SLC17A1: variants seen among roughly 807,000 people sequenced by gnomAD.
SLC17A1 encodes solute carrier family 17 member 1.
A neutral mutation model predicts 53.5 loss-of-function variants in SLC17A1; 51 were observed. The observed-to-expected ratio is 0.95, with a 90% CI of 0.76 to 1.20. SLC17A1 has a LOEUF of 1.20. Ranked by LOEUF, SLC17A1 falls within the 50% of genes most tolerant of loss-of-function variation. The pLI is 0.00. For missense variants in SLC17A1, 538 were observed against 568.2 expected, an observed-to-expected ratio of 0.95 and a Z score of 0.54; for synonymous variants, 179 against 198.8, an observed-to-expected ratio of 0.90 and a Z score of 0.84.
the SLC17A1 span, among the ~76,000 whole-genome samples, chr6:25,767,473 G>A: frequency 6.6e-6 from 1 of 152,152 alleles, no homozygotes; most frequent in South Asian, 2.1e-4. Context: ...GGGGGCCACA[G>A]AGAGCTCAGT....
chr6:25,753,902 G>A, the SLC17A1 span, among the ~76,000 whole-genome samples: 30 of 152,246 alleles, frequency 2.0e-4, no homozygotes, highest in Non-Finnish European at 3.8e-4. Context: ...GGAAGTTCAA[G>A]GACAGAGTCT....
chr6:25,787,804 C>A (rs1763416368), intron 12 of SLC17A1, among the ~76,000 whole-genome samples: 1 of 152,174 alleles, frequency 6.6e-6, no homozygotes, highest in Non-Finnish European at 1.5e-5. Flanking sequence ...ATCCCCCTTA[C>A]CCTGACCACT....
At chr6:25,756,581 A>C in the SLC17A1 span, among the ~76,000 whole-genome samples, 3 of 152,180 alleles carry the variant, frequency 2.0e-5, no homozygotes, top group Non-Finnish European at 4.4e-5. Flanking sequence ...CCACAACAGC[A>C]CTGTCCTCCC....
the SLC17A1 span, chr6:25,726,044 C>G: frequency 8.1e-7 from 1 of 1,229,114 alleles, no homozygotes; most frequent in Non-Finnish European, 1.1e-6. Context: ...TTGTAACGTA[C>G]AGCCTTTTTC....
intron 6 of SLC17A1, among the ~76,000 whole-genome samples, chr6:25,815,009 A>T (rs981284110): frequency 2.6e-5 from 4 of 151,074 alleles, no homozygotes; most frequent in African/African-American, 4.9e-5. Flanking sequence ...ACACACACAC[A>T]CACACACACA....
At chr6:25,801,200 A>G (rs541124639) in intron 10 of SLC17A1, among the ~76,000 whole-genome samples, 1 of 152,350 alleles carries the variant, frequency 6.6e-6, no homozygotes, top group Admixed American at 6.5e-5. Flanking sequence ...ATATGATGAT[A>G]TTAATAAAAT....
rs56723023 is a variant in SLC17A1, at chr6:25,814,990, A to AACACAC, written c.617-1783_617-1778dup. Among the ~76,000 whole-genome samples, 30 of 51,590 alleles carry AACACAC rather than the reference A, an allele frequency of 5.8e-4. 1 individual carries two copies. The highest frequency in any genetic ancestry group is 1.0e-3 in the South Asian group (2 of 2,006). 33.8% of individuals were successfully genotyped at this position (51,590 alleles called of 152,430 possible). On this transcript the variant is annotated intron_variant, in intron 6 of 12. Coordinates refer to ENST00000244527, the MANE Select transcript of SLC17A1 (RefSeq NM_005074.5). ...GACAAAAGCAAGACTCTGTCACACA[A>AACACAC]ACACACACACACACACACACACACA...
At chr6:25,812,134 G>GCTA (rs572939061) in intron 8 of SLC17A1, among the ~76,000 whole-genome samples, 15 of 152,168 alleles carry the variant, frequency 9.9e-5, no homozygotes, top group Non-Finnish European at 2.1e-4. Flanking sequence ...TGGACCAGCT[G>GCTA]CTACCAGTCC....
the SLC17A1 span, among the ~76,000 whole-genome samples, chr6:25,729,727 C>T: frequency 6.7e-6 from 1 of 148,750 alleles, no homozygotes; most frequent in Admixed American, 6.7e-5. Context: ...ATATGTAAGA[C>T]TGCTTTCCGT....
the SLC17A1 span, among the ~76,000 whole-genome samples, chr6:25,725,213 A>G: frequency 6.6e-6 from 1 of 152,212 alleles, no homozygotes; most frequent in African/African-American, 2.4e-5. Flanking sequence ...ATACTCTTCC[A>G]AATTTCTAAA....
chr6:25,772,058 T>A, the SLC17A1 span, among the ~76,000 whole-genome samples: 5 of 152,174 alleles, frequency 3.3e-5, no homozygotes, highest in African/African-American at 1.2e-4. Context: ...GACAGGCCTG[T>A]TAGATCAAGG....
chr6:25,811,786 T>C lies in SLC17A1; in HGVS notation c.898-16A>G, dbSNP rs1376844997. ...AGAACCCATTCTGAAGAGGAAACAT[T>C]ATTCTTGGAGTGAGTTTGATGGGTA... On this transcript the variant is annotated splice_polypyrimidine_tract_variant and intron_variant, in intron 8 of 12. Coordinates refer to ENST00000244527, the MANE Select transcript of SLC17A1 (RefSeq NM_005074.5). 1 of 1,613,216 alleles carries C rather than the reference T, an allele frequency of 6.2e-7. No individual in the cohort carries two copies. Among genetic ancestry groups the C allele is most frequent in the African/African-American group, 1.3e-5 (1 of 74,868 alleles).
chr6:25,809,673 G>T (rs1425871645), intron 10 of SLC17A1, among the ~76,000 whole-genome samples: 1 of 151,708 alleles, frequency 6.6e-6, no homozygotes, highest in Admixed American at 6.6e-5. Flanking sequence ...AATTAATGTT[G>T]TTAAAATGTC....
intron 12 of SLC17A1, among the ~76,000 whole-genome samples, chr6:25,788,217 T>C (rs965993834): frequency 1.3e-5 from 2 of 152,200 alleles, no homozygotes; most frequent in African/African-American, 4.8e-5. Context: ...CAAATCAAAC[T>C]TTTAAACTTT....
chr6:25,745,812 C>A, the SLC17A1 span, among the ~76,000 whole-genome samples: 1 of 152,186 alleles, frequency 6.6e-6, no homozygotes, highest in South Asian at 2.1e-4. Flanking sequence ...GGGACCAAAC[C>A]CATGTGGGCA....
intron 6 of SLC17A1, among the ~76,000 whole-genome samples, chr6:25,816,591 C>T (rs187898050): frequency 6.6e-5 from 10 of 152,340 alleles, no homozygotes; most frequent in East Asian, 1.9e-4. Context: ...CTCAGGGCAG[C>T]GGTGACAGAA....
the SLC17A1 span, among the ~76,000 whole-genome samples, chr6:25,760,684 C>T: frequency 6.6e-6 from 1 of 152,166 alleles, no homozygotes; most frequent in African/African-American, 2.4e-5. Context: ...GAGCTTTATT[C>T]TGTACAATTT....
intron 1 of SLC17A1, among the ~76,000 whole-genome samples, chr6:25,830,833 CA>C (rs1427630790): frequency 3.9e-5 from 6 of 152,144 alleles, no homozygotes; most frequent in African/African-American, 1.4e-4. Flanking sequence ...AGAGAACAAA[CA>C]AATAACCCTG....
At chr6:25,795,377 A>C (rs2151477863) in intron 12 of SLC17A1, among the ~76,000 whole-genome samples, 1 of 152,330 alleles carries the variant, frequency 6.6e-6, no homozygotes, top group East Asian at 1.9e-4. Context: ...ATAGCATGTA[A>C]ATAGAAAAAA....
Sources: gnomAD v4.1 joint callset for allele counts (sites outside exome capture counted in the v4.1 genomes callset) on GRCh38, gnomAD v4.1.1 for gene constraint, MANE v1.5 for transcripts, NCBI Gene and HGNC (gene_info 2026-07-23, HGNC 2026-07-21) for gene names.